Variants in ADAM18 observed in about 807,000 individuals in gnomAD.
ADAM18 encodes ADAM metallopeptidase domain 18, also known as disintegrin and metalloproteinase domain-containing protein 18.
Under a neutral mutation model 94.4 loss-of-function variants are expected in ADAM18, and 117 were observed. The ratio of observed to expected loss-of-function variants is 1.24; its 90% CI spans 1.07 to 1.45. The LOEUF is 1.45. Among genes scored for constraint, ADAM18 ranks in the 40% most tolerant of loss-of-function variants. The pLI, the probability that ADAM18 is intolerant of heterozygous loss-of-function variation, is 0.00. For missense variants in ADAM18, 936 were observed against 880.0 expected, an observed-to-expected ratio of 1.06 and a Z score of -0.81; for synonymous variants, 327 against 291.6, an observed-to-expected ratio of 1.12 and a Z score of -1.24.
At chr8:39,705,041 T>C (rs1426547826) in intron 17 of ADAM18, among the ~76,000 whole-genome samples, 1 of 152,134 alleles carries the variant, frequency 6.6e-6, no homozygotes, top group Non-Finnish European at 1.5e-5. Context: ...TCCATATAAA[T>C]GACACTTTTG....
intron 12 of ADAM18, among the ~76,000 whole-genome samples, chr8:39,653,887 A>G (rs1190579894): frequency 2.0e-5 from 3 of 152,054 alleles, no homozygotes; most frequent in African/African-American, 7.2e-5. Context: ...TTAAACTATA[A>G]TTTACTTATT....
chr8:39,667,154 C>A (rs1821013013), intron 13 of ADAM18, among the ~76,000 whole-genome samples: 1 of 152,040 alleles, frequency 6.6e-6, no homozygotes, highest in Admixed American at 6.6e-5. Context: ...GTAATCCCAG[C>A]ACTTTGGGAG....
At chr8:39,726,435 A>G (rs1822914969) in intron 19 of ADAM18, among the ~76,000 whole-genome samples, 1 of 152,046 alleles carries the variant, frequency 6.6e-6, no homozygotes, top group African/African-American at 2.4e-5. Context: ...CCACCCATAT[A>G]TATTTTTGAT....
rs1321734632 is a variant in ADAM18 at position 39,680,173 on chromosome 8, G to A, written c.1768G>A (p.Asp590Asn). Reference protein sequence around the residue: ...SIATGSSMRSDGTDNAYVADG... With the variant: ...SIATGSSMRSNGTDNAYVADG... ...AGCCACTGGTTCCTCCATGAGATCA[G>A]ATGGAACAGACAATGCCTATGTGGC... The change falls in exon 16 of 20, where the codon GAT (aspartate) becomes AAT (asparagine). Residue 590 changes from aspartate (D) to asparagine (N), a missense_variant. By Grantham distance (23) the Asp-to-Asn change is conservative (BLOSUM62 1). Transcript: ENST00000265707. 4 of 1,613,846 alleles carry A rather than the reference G, an allele frequency of 2.5e-6. No individual in the cohort carries two copies. Among genetic ancestry groups the A allele is most frequent in the South Asian group, 1.1e-5 (1 of 91,080 alleles).
intron 2 of ADAM18, among the ~76,000 whole-genome samples, chr8:39,598,161 G>A (rs372054219): frequency 2.6e-5 from 4 of 151,870 alleles, no homozygotes; most frequent in South Asian, 4.2e-4. Flanking sequence ...GTTCCAGAAG[G>A]TTTTTTCATC....
intron 13 of ADAM18, among the ~76,000 whole-genome samples, chr8:39,664,365 T>A (rs910560772): frequency 6.6e-6 from 1 of 152,154 alleles, no homozygotes; most frequent in Non-Finnish European, 1.5e-5. Context: ...TATGAGAAGA[T>A]GTGTGTAAGT....
chr8:39,597,227 T>C (rs1309872561), intron 2 of ADAM18, among the ~76,000 whole-genome samples: 3 of 152,148 alleles, frequency 2.0e-5, no homozygotes, highest in Non-Finnish European at 4.4e-5. Context: ...CTGTGGTTTA[T>C]CTCTTCATAT....
At chr8:39,655,410 T>A (rs1400741483) in intron 12 of ADAM18, among the ~76,000 whole-genome samples, 1 of 152,136 alleles carries the variant, frequency 6.6e-6, no homozygotes, top group African/African-American at 2.4e-5. Context: ...TTATGTTCTA[T>A]TGTTGGGGAT....
Position 39,654,153 on chromosome 8 carries a change from C to CTTTTTTTTTTTTT in ADAM18, c.1230+5626_1230+5627insTTTTTTTTTTTTT, listed in dbSNP as rs1563292600. Among the ~76,000 whole-genome samples, 5 of 118,770 alleles carry CTTTTTTTTTTTTT rather than the reference C, an allele frequency of 4.2e-5. 2 individuals are homozygous for CTTTTTTTTTTTTT. The highest frequency in any genetic ancestry group is 8.2e-5 in the Admixed American group (1 of 12,222). The allele number at this position is 118,770 out of a possible 152,430, so 77.9% of individuals were successfully genotyped here. A position where few individuals can be genotyped will look rare whatever the true frequency, so the allele number is the denominator to read the frequency against. ...TTGCTGCCACTGACAGGATTTCATTCCTTTTTTTTTTTTTTTTTTTTGGAG... is the reference window on the plus strand; with the variant it reads ...TTGCTGCCACTGACAGGATTTCATTCTTTTTTTTTTTTTCTTTTTTTTTTTTTTTTTTTTGGAG... On this transcript the variant is annotated intron_variant, in intron 12 of 19. Coordinates refer to ENST00000265707, the MANE Select transcript of ADAM18 (RefSeq NM_014237.3).
intron 13 of ADAM18, among the ~76,000 whole-genome samples, 157 bp downstream of exon 13, chr8:39,664,047 A>C (rs1185072383): frequency 6.6e-6 from 1 of 152,242 alleles, no homozygotes; most frequent in Admixed American, 6.5e-5. Flanking sequence ...GAAAATTGCT[A>C]TAAAATATAA....
intron 9 of ADAM18, among the ~76,000 whole-genome samples, 169 bp downstream of exon 9, chr8:39,637,872 A>G (rs1010854900): frequency 1.3e-5 from 2 of 152,042 alleles, no homozygotes; most frequent in Admixed American, 1.3e-4. Flanking sequence ...TAATAAAAGT[A>G]ACAATAATCA....
intron 6 of ADAM18, among the ~76,000 whole-genome samples, chr8:39,625,675 T>C (rs1166225377): frequency 6.6e-6 from 1 of 152,164 alleles, no homozygotes; most frequent in Non-Finnish European, 1.5e-5. Context: ...TGTGGGTTTG[T>C]CATATATAGC....
At chr8:39,591,534 T>G (rs1351467034) in intron 2 of ADAM18, among the ~76,000 whole-genome samples, 1 of 152,186 alleles carries the variant, frequency 6.6e-6, no homozygotes, top group Non-Finnish European at 1.5e-5. Flanking sequence ...CGATTCAAGT[T>G]TTATTATGAG....
intron 2 of ADAM18, among the ~76,000 whole-genome samples, chr8:39,600,050 T>A (rs1418739369): frequency 6.6e-6 from 1 of 152,170 alleles, no homozygotes; most frequent in East Asian, 1.9e-4. Flanking sequence ...AGTCTGACAT[T>A]AGCTGTAGAT....
At chr8:39,606,728 G>A (rs1356891907) in intron 3 of ADAM18, among the ~76,000 whole-genome samples, 1 of 152,106 alleles carries the variant, frequency 6.6e-6, no homozygotes, top group Non-Finnish European at 1.5e-5. Context: ...GGCTTTGTGT[G>A]AGCAATAAAG....
intron 6 of ADAM18, among the ~76,000 whole-genome samples, chr8:39,613,206 A>G (rs1407971006): frequency 1.3e-5 from 2 of 152,188 alleles, no homozygotes; most frequent in Non-Finnish European, 2.9e-5. Context: ...ACCCTGACAG[A>G]GCACTTTTGA....
chr8:39,645,583 T>A (rs1026939627), intron 11 of ADAM18, 109 bp downstream of exon 11: 3 of 1,048,934 alleles, frequency 2.9e-6, no homozygotes, highest in Non-Finnish European at 4.1e-6. Flanking sequence ...GGCTAGAAAG[T>A]TACATCATGC....
chr8:39,668,199 A>G lies in ADAM18; in HGVS notation c.1525+3A>G. On this transcript the variant is annotated splice_donor_region_variant and intron_variant, in intron 14 of 19. Coordinates refer to ENST00000265707, the MANE Select transcript of ADAM18 (RefSeq NM_014237.3). ...GTGTGCCAAGATATTTGGAAAAGGT[A>G]TTGCTCTTTCTTTCGTATTTATTTT... The G allele has an allele frequency of 1.2e-6, 2 of 1,613,584 alleles. No individual in the cohort carries two copies. Among genetic ancestry groups the G allele is most frequent in the Non-Finnish European group, 1.7e-6 (2 of 1,179,566 alleles).
At chr8:39,728,814 T>C (rs993689137) in intron 19 of ADAM18, among the ~76,000 whole-genome samples, 3 of 152,206 alleles carry the variant, frequency 2.0e-5, no homozygotes, top group African/African-American at 7.2e-5. Context: ...AATATTTGAT[T>C]TTGTTTTTAA....
Sources: allele counts gnomAD v4.1 joint callset (sites outside exome capture counted in the v4.1 genomes callset), GRCh38; gene constraint gnomAD v4.1.1; transcripts MANE v1.5; gene names NCBI Gene and HGNC (gene_info 2026-07-23, HGNC 2026-07-21).